The following SLC46A1 variants were observed in gnomAD, a reference collection of about 807,000 sequenced individuals.
SLC46A1 encodes the protein proton-coupled folate transporter.
In SLC46A1, 17 loss-of-function variants were observed where a neutral mutation model predicts 32.1. That is an observed-to-expected ratio of 0.53 (90% CI 0.36 to 0.79). The LOEUF (loss-of-function observed/expected upper bound fraction) is 0.79, where lower values mean the gene tolerates loss of function less well. Ranked by LOEUF, SLC46A1 falls within the 30% of genes least tolerant of loss-of-function variation. The pLI is 0.00. For synonymous variants in SLC46A1, 240 were observed against 262.7 expected, an observed-to-expected ratio of 0.91 and a Z score of 0.84; for missense variants, 517 against 588.2, an observed-to-expected ratio of 0.88 and a Z score of 1.25.
chr17:28,401,567 A>T (rs995635652), intron 3 of SLC46A1: 7 of 152,322 alleles, frequency 4.6e-5, no homozygotes, highest in Admixed American at 1.3e-4. Flanking sequence ...TTATAGATAT[A>T]CCAGGAGAAC....
chr17:28,399,541 C>G lies in SLC46A1; in HGVS notation c.*115G>C. 1 of 1,059,804 alleles carries G rather than the reference C, an allele frequency of 9.4e-7. No homozygotes were observed. The highest frequency in any genetic ancestry group is 1.4e-5 in the South Asian group (1 of 72,006). 65.7% of individuals were successfully genotyped at this position (1,059,804 alleles called of 1,614,324 possible). A position where few individuals can be genotyped will look rare whatever the true frequency, so the allele number is the denominator to read the frequency against. On this transcript the variant is annotated 3_prime_UTR_variant, in exon 5 of 5. Coordinates refer to ENST00000612814, the MANE Select transcript of SLC46A1 (RefSeq NM_080669.6). ...TTGACTACCTCGTCCAAAGAGAGCA[C>G]TGCCCTTAGACAAGAGTTGCTTGTC...
intron 4 of SLC46A1, chr17:28,399,925 G>T: frequency 1.8e-6 from 1 of 555,094 alleles, no homozygotes; most frequent in Non-Finnish European, 3.2e-6. Flanking sequence ...ACAGGGTCTT[G>T]CTCTGTTGTC....
At chr17:28,403,479 C>T (rs1354352394) in intron 2 of SLC46A1, 2 of 152,278 alleles carry the variant, frequency 1.3e-5, no homozygotes, top group African/African-American at 4.8e-5. Context: ...ATGAGGCATC[C>T]AGGGACCCTA....
rs1216879398 is a variant in SLC46A1, at chr17:28,399,600, C to T, written c.*56G>A. On this transcript the variant is annotated 3_prime_UTR_variant, in exon 5 of 5. Transcript: ENST00000612814. ...GGCTGGGCTTCCAGCTGCAGACCTC[C>T]AGTTGCTTGGTGTTCACTTTGCTCC... 6.3e-7 allele frequency: 1 copy of T among 1,583,348 alleles called. No individual in the cohort carries two copies. The highest frequency in any genetic ancestry group is 8.7e-7 in the Non-Finnish European group (1 of 1,152,580).
Position 28,396,260 on chromosome 17 carries a change from G to C in SLC46A1, c.*3396C>G. 1 of 1,613,958 alleles carries C rather than the reference G, an allele frequency of 6.2e-7. No homozygotes were observed. The highest frequency in any genetic ancestry group is 1.7e-5 in the Admixed American group (1 of 60,016). On this transcript the variant is annotated 3_prime_UTR_variant, in exon 5 of 5. Transcript: ENST00000612814. ...TGCAGGCTCTGACACCAGTTTGGAG[G>C]GTGCTGCACCCATGGGTCCAACCTA... is the stretch of plus-strand genomic sequence containing the variant.
chr17:28,399,873 C>T, intron 4 of SLC46A1, 160 bp from the exon 5 acceptor site: 2 of 716,510 alleles, frequency 2.8e-6, no homozygotes, highest in Non-Finnish European at 2.5e-6. Flanking sequence ...GGACAATATC[C>T]AGGGACATGG....
chr17:28,405,574 C>G, intron 1 of SLC46A1, 106 bp from the exon 2 acceptor site: 2 of 1,484,370 alleles, frequency 1.3e-6, no homozygotes, highest in South Asian at 2.4e-5. Flanking sequence ...CTTTGGAGCC[C>G]TAAACCTCAG....
rs781968978 is a variant in SLC46A1 at position 28,404,854 on chromosome 17, G to A, written c.843C>T (p.His281=). ...SLAIFVVITV[H]FGAQDILTLY... ...GGGTTAAGATGTCCTGGGCCCCAAA[G>A]TGCACAGTGATCACCACGAAGATGG... Residue 281 remains histidine (H), a synonymous_variant, in exon 2 of 5, where the codon CAC becomes CAT. Coordinates refer to ENST00000612814, the MANE Select transcript of SLC46A1 (RefSeq NM_080669.6). 50 of 1,613,896 alleles carry A rather than the reference G, an allele frequency of 3.1e-5. No individual in the cohort carries two copies. The highest frequency in any genetic ancestry group is 4.0e-5 in the Non-Finnish European group (47 of 1,179,904).
chr17:28,396,427 C>A lies in SLC46A1; in HGVS notation c.*3229G>T. On this transcript the variant is annotated 3_prime_UTR_variant, in exon 5 of 5. Coordinates refer to ENST00000612814, the MANE Select transcript of SLC46A1 (RefSeq NM_080669.6). The stretch of plus-strand genomic sequence containing the variant: ...TGGCTCTCCCTCCCCCTGTCCCCCA[C>A]CCTCATGGCCCACCTCCAACCCACT... 1.1e-6 allele frequency: 1 copy of A among 928,244 alleles called. No homozygotes were observed. Among genetic ancestry groups the A allele is most frequent in the Non-Finnish European group, 1.6e-6 (1 of 617,408 alleles). The allele number at this position is 928,244 out of a possible 1,614,324, so 57.5% of individuals were successfully genotyped here. A position where few individuals can be genotyped will look rare whatever the true frequency, so the allele number is the denominator to read the frequency against.
Position 28,396,425 on chromosome 17 carries a change from C to G in SLC46A1, c.*3231G>C. The G allele has an allele frequency of 1.0e-6, 1 of 968,800 alleles. No homozygotes were observed. Among genetic ancestry groups the G allele is most frequent in the East Asian group, 2.5e-5 (1 of 39,430 alleles). The allele number at this position is 968,800 out of a possible 1,614,324, so 60.0% of individuals were successfully genotyped here. A position where few individuals can be genotyped will look rare whatever the true frequency, so the allele number is the denominator to read the frequency against. On this transcript the variant is annotated 3_prime_UTR_variant, in exon 5 of 5. Coordinates refer to ENST00000612814, the MANE Select transcript of SLC46A1 (RefSeq NM_080669.6). ...AATGGCTCTCCCTCCCCCTGTCCCCCACCCTCATGGCCCACCTCCAACCCA... is the reference window on the plus strand; with the variant it reads ...AATGGCTCTCCCTCCCCCTGTCCCCGACCCTCATGGCCCACCTCCAACCCA...
Position 28,405,959 on chromosome 17 carries a change from G to A in SLC46A1, c.156C>T (p.Ser52=). The A allele has an allele frequency of 6.2e-7, 1 of 1,611,448 alleles. No homozygotes were observed. The highest frequency in any genetic ancestry group is 8.5e-7 in the Non-Finnish European group (1 of 1,179,226). The part of the protein sequence containing the change: ...LTTQYLWHRF[S]ADLGYNGTRQ... ...GGGTGCCATTGTAGCCGAGGTCGGCGCTGAAGCGGTGCCACAGATACTGCG... is the reference window on the plus strand; with the variant it reads ...GGGTGCCATTGTAGCCGAGGTCGGCACTGAAGCGGTGCCACAGATACTGCG... The change falls in exon 1 of 5, where the codon AGC becomes AGT. Residue 52 remains serine, a synonymous_variant. Coordinates refer to ENST00000612814, the MANE Select transcript of SLC46A1 (RefSeq NM_080669.6).
chr17:28,406,087 T>G lies in SLC46A1; in HGVS notation c.28A>C (p.Lys10Gln). 1 of 1,572,948 alleles carries G rather than the reference T, an allele frequency of 6.4e-7. No homozygotes were observed. Among genetic ancestry groups the G allele is most frequent in the Non-Finnish European group, 8.6e-7 (1 of 1,162,142 alleles). The change falls in exon 1 of 5, where the codon AAG becomes CAG. Residue 10 changes from lysine (K) to glutamine (Q), a missense_variant. Transcript: ENST00000612814. The surrounding 1 kb of genome is among the most constrained non-coding windows in gnomAD (Gnocchi z 4.5). ...GCAGCCGCAGGGCGGGCGCGGGGCT[T>G]TTCCGGGGGGCTCGCGCTCCCCTCC... is the stretch of plus-strand genomic sequence containing the variant. Reference protein sequence around the residue: MEGSASPPEKPRARPAAAVL... With the variant: MEGSASPPEQPRARPAAAVL...
Position 28,405,088 on chromosome 17 carries a change from G to A in SLC46A1, c.609C>T (p.Leu203=). The part of the protein sequence containing the change: ...MLASLLGGHW[L]RAQGYANPFW... ...AGGGGTTGGCATAACCCTGGGCCCG[G>A]AGCCAGTGGCCCCCGAGGAGGCTTG... Residue 203 remains leucine (L), a synonymous_variant, in exon 2 of 5, where the codon CTC becomes CTT. Coordinates refer to ENST00000612814, the MANE Select transcript of SLC46A1 (RefSeq NM_080669.6). 6.2e-7 allele frequency: 1 copy of A among 1,613,934 alleles called. No individual in the cohort carries two copies. Among genetic ancestry groups the A allele is most frequent in the Non-Finnish European group, 8.5e-7 (1 of 1,179,890 alleles).
Position 28,396,016 on chromosome 17 carries a change from A to G in SLC46A1, c.*3640T>C. The G allele has an allele frequency of 6.2e-7, 1 of 1,613,712 alleles. No homozygotes were observed. Among genetic ancestry groups the G allele is most frequent in the Non-Finnish European group, 8.5e-7 (1 of 1,179,804 alleles). On this transcript the variant is annotated 3_prime_UTR_variant, in exon 5 of 5. Transcript: ENST00000612814. ...GGACATGCAGGCTGTGCTTACTTTC[A>G]ACGGTATCAAGTGAGCCCCAGGGCC...
Position 28,396,174 on chromosome 17 carries a change from A to T in SLC46A1, c.*3482T>A. 6.2e-7 allele frequency: 1 copy of T among 1,613,946 alleles called. No individual in the cohort carries two copies. Among genetic ancestry groups the T allele is most frequent in the Non-Finnish European group, 8.5e-7 (1 of 1,179,864 alleles). ...GCCCACAGGTGGTCCCACGAATACCAGGAGGCCACCATTGAGAAGATCATC... is the reference window on the plus strand; with the variant it reads ...GCCCACAGGTGGTCCCACGAATACCTGGAGGCCACCATTGAGAAGATCATC... On this transcript the variant is annotated 3_prime_UTR_variant, in exon 5 of 5. Coordinates refer to ENST00000612814, the MANE Select transcript of SLC46A1 (RefSeq NM_080669.6).
In SLC46A1 at chr17:28,402,187, C is replaced by T. The variant is rs373800118; in HGVS notation, c.1165+51G>A. On this transcript the variant is annotated intron_variant, in intron 3 of 4. Coordinates refer to ENST00000612814, the MANE Select transcript of SLC46A1 (RefSeq NM_080669.6). ...GCCATGGCTGCCCATCAGCCCGTTTCGGGCAGCACTGGACATGAGGAACCA... is the reference window on the plus strand; with the variant it reads ...GCCATGGCTGCCCATCAGCCCGTTTTGGGCAGCACTGGACATGAGGAACCA... 2.8e-4 allele frequency: 427 copies of T among 1,509,012 alleles called. 2 individuals are homozygous for T. Among genetic ancestry groups the T allele is most frequent in the South Asian group, 6.9e-4 (56 of 81,118 alleles). 93.5% of individuals were successfully genotyped at this position (1,509,012 alleles called of 1,614,324 possible). A position where few individuals can be genotyped will look rare whatever the true frequency, so the allele number is the denominator to read the frequency against.
In SLC46A1 at chr17:28,405,069, T is replaced by A; in HGVS notation, c.628A>T (p.Asn210Tyr). The change falls in exon 2 of 5, where the codon AAC (asparagine) becomes TAC (tyrosine). Residue 210 changes from asparagine (N) to tyrosine (Y), a missense_variant. Asn to Tyr is a moderately radical substitution (Grantham distance 143, BLOSUM62 -2). Coordinates refer to ENST00000612814, the MANE Select transcript of SLC46A1 (RefSeq NM_080669.6). Reference sequence around the variant, plus strand: ...AAGGCCAAGGCCAGCCAGAAGGGGTTGGCATAACCCTGGGCCCGGAGCCAG... The same window carrying A: ...AAGGCCAAGGCCAGCCAGAAGGGGTAGGCATAACCCTGGGCCCGGAGCCAG... ...GHWLRAQGYA[N>Y]PFWLALALLI... 6.2e-7 allele frequency: 1 copy of A among 1,613,966 alleles called. No individual in the cohort carries two copies. The highest frequency in any genetic ancestry group is 8.5e-7 in the Non-Finnish European group (1 of 1,179,878).
In SLC46A1 at chr17:28,405,354, G is replaced by A. The variant is rs1555590959; in HGVS notation, c.343C>T (p.Pro115Ser). 1 of 1,587,034 alleles carries A rather than the reference G, an allele frequency of 6.3e-7. No individual in the cohort carries two copies. The highest frequency in any genetic ancestry group is 8.6e-7 in the Non-Finnish European group (1 of 1,167,540). Residue 115 changes from proline (P) to serine (S), a missense_variant, in exon 2 of 5, where the codon CCG becomes TCG. Pro to Ser is a moderately conservative substitution (Grantham distance 74, BLOSUM62 -1). Transcript: ENST00000612814. The part of the protein sequence containing the change: ...GAWSDSVGRR[P>S]LLVLASLGLL... Reference sequence around the variant, plus strand: ...CCCAGCGAGGCCAGCACTAGCAGCGGGCGGCGGCCCACACTGTCGCTCCAA... The same window carrying A: ...CCCAGCGAGGCCAGCACTAGCAGCGAGCGGCGGCCCACACTGTCGCTCCAA...
Position 28,399,637 on chromosome 17 carries a change from G to C in SLC46A1, c.*19C>G, listed in dbSNP as rs1555589062. 1 of 1,613,898 alleles carries C rather than the reference G, an allele frequency of 6.2e-7. No homozygotes were observed. On this transcript the variant is annotated 3_prime_UTR_variant, in exon 5 of 5. Coordinates refer to ENST00000612814, the MANE Select transcript of SLC46A1 (RefSeq NM_080669.6). ...GTTCACTTTGCTCCTCTTGCCCTCT[G>C]TCTTCTGGTCCAGGCAGATCAGGGG...
Sources: allele counts gnomAD v4.1 joint callset, GRCh38; gene constraint gnomAD v4.1.1; non-coding constraint Gnocchi (gnomAD v3.1); transcripts MANE v1.5; gene names NCBI Gene and HGNC (gene_info 2026-07-23, HGNC 2026-07-21).